Variants in ZNF783 observed in about 807,000 individuals in gnomAD.
The protein encoded by ZNF783 is zinc finger protein 783.
Under a neutral mutation model 31.3 loss-of-function variants are expected in ZNF783, and 25 were observed. The ratio of observed to expected loss-of-function variants is 0.80; its 90% CI spans 0.58 to 1.11. The LOEUF (loss-of-function observed/expected upper bound fraction) is 1.11, where lower values mean the gene tolerates loss of function less well. Among genes scored for constraint, ZNF783 ranks in the 50% most tolerant of loss-of-function variants. The pLI, the probability that ZNF783 is intolerant of heterozygous loss-of-function variation, is 0.00. For missense variants in ZNF783, 797 were observed against 760.0 expected, an observed-to-expected ratio of 1.05 and a Z score of -0.57; for synonymous variants, 369 against 319.1, an observed-to-expected ratio of 1.16 and a Z score of -1.66.
intron 1 of ZNF783, 132 bp from the exon 2 acceptor site, chr7:149,266,203 C>CT: frequency 1.9e-6 from 2 of 1,057,752 alleles, no homozygotes; most frequent in East Asian, 5.3e-5. Flanking sequence ...CTCTCCCCCC[C>CT]AGTCTGCTGC....
intron 4 of ZNF783, among the ~76,000 whole-genome samples, chr7:149,274,555 G>A (rs561368258): frequency 2.6e-5 from 4 of 152,208 alleles, no homozygotes; most frequent in African/African-American, 4.8e-5. Context: ...TAGTAGAGAC[G>A]GAGTTTCACC....
chr7:149,280,287 G>A (rs1306244320), intron 5 of ZNF783, among the ~76,000 whole-genome samples: 1 of 152,232 alleles, frequency 6.6e-6, no homozygotes, highest in African/African-American at 2.4e-5. Context: ...CAGAAGGAGA[G>A]TCTTTAGATG....
chr7:149,266,951 G>T lies in ZNF783; in HGVS notation c.547+6G>T. 2 of 1,614,066 alleles carry T rather than the reference G, an allele frequency of 1.2e-6. No individual in the cohort carries two copies. Among genetic ancestry groups the T allele is most frequent in the Non-Finnish European group, 1.7e-6 (2 of 1,180,008 alleles). ...CGAGACGCTGGTCTCCCTGGGTAAG[G>T]CCACGGAGGGAGGATCTGGGCCTCT... On this transcript the variant is annotated splice_donor_region_variant and intron_variant, in intron 3 of 5. Coordinates refer to ENST00000434415, the MANE Select transcript of ZNF783 (RefSeq NM_001195220.2).
chr7:149,279,380 AG>A (rs1324321950), intron 5 of ZNF783, among the ~76,000 whole-genome samples: 1 of 152,236 alleles, frequency 6.6e-6, no homozygotes, highest in Non-Finnish European at 1.5e-5. Context: ...ACAGATGCTG[AG>A]GGACAAGTCA....
At chr7:149,275,211 C>T (rs182792201) in intron 4 of ZNF783, among the ~76,000 whole-genome samples, 15 of 151,858 alleles carry the variant, frequency 9.9e-5, no homozygotes, top group African/African-American at 3.4e-4. Flanking sequence ...TCACTGTTGG[C>T]ATATAAAAAG....
chr7:149,263,295 T>C (rs1392821406), intron 1 of ZNF783, among the ~76,000 whole-genome samples: 2 of 74,000 alleles, frequency 2.7e-5, no homozygotes, highest in Non-Finnish European at 5.3e-5. Context: ...TGTGTGTGTG[T>C]GTGTGTGTGT....
At chr7:149,271,218 G>A (rs141644802) in intron 4 of ZNF783, among the ~76,000 whole-genome samples, 3,524 of 152,336 alleles carry the variant, frequency 0.023, 59 homozygotes, top group Non-Finnish European at 0.033. Flanking sequence ...GATTACAGGC[G>A]TGAGCCACGG....
intron 1 of ZNF783, 121 bp downstream of exon 1, chr7:149,262,478 C>T: frequency 1.2e-6 from 1 of 840,858 alleles, no homozygotes; most frequent in South Asian, 5.9e-5. Context: ...AGCCTCCGCG[C>T]TCGTTGCCCC....
In ZNF783 at chr7:149,266,555, A is replaced by G. The variant is rs757124959; in HGVS notation, c.245A>G (p.Glu82Gly). 1.2e-6 allele frequency: 2 copies of G among 1,614,064 alleles called. No homozygotes were observed. Among genetic ancestry groups the G allele is most frequent in the Non-Finnish European group, 1.7e-6 (2 of 1,180,046 alleles). Residue 82 changes from glutamate (E) to glycine (G), a missense_variant, in exon 2 of 6, where the codon GAG (glutamate) becomes GGG (glycine). Transcript: ENST00000434415. ...GCCGAGAAGAAGCTGGCCGACTGCG[A>G]GAAGACAGCTGTGGAGTTCGGGAAC... ...GTAEKKLADC[E>G]KTAVEFGNQL... is the part of the protein sequence containing the mutation.
chr7:149,274,001 AT>A (rs1384524105), intron 4 of ZNF783, among the ~76,000 whole-genome samples: 1 of 151,936 alleles, frequency 6.6e-6, no homozygotes, highest in African/African-American at 2.4e-5. Flanking sequence ...ATTTGCAAAT[AT>A]TTTTTCCCGT....
chr7:149,262,796 C>T (rs1585603962), intron 1 of ZNF783, among the ~76,000 whole-genome samples: 1 of 152,248 alleles, frequency 6.6e-6, no homozygotes, highest in African/African-American at 2.4e-5. Flanking sequence ...GGGAGCCTCA[C>T]GCCGGGGCAG....
At chr7:149,278,088 G>C (rs967015262) in intron 4 of ZNF783, 1 of 1,063,146 alleles carries the variant, frequency 9.4e-7, no homozygotes, top group Non-Finnish European at 1.2e-6. Context: ...CACCCCACTG[G>C]CTGGTGGGAC....
rs566384385 is a variant in ZNF783, at chr7:149,284,476, G to T, written c.*2133G>T. 6.6e-6 allele frequency: 1 copy of T among 152,474 alleles called. No homozygotes were observed. The highest frequency in any genetic ancestry group is 2.4e-5 in the African/African-American group (1 of 41,568). The allele number at this position is 152,474 out of a possible 1,614,324, so 9.4% of individuals were successfully genotyped here. ...TCTGGAGTCCCCCCACCCTTGCCAG[G>T]AGCTTCACAAACCAGAGACGGGCTG... On this transcript the variant is annotated 3_prime_UTR_variant, in exon 6 of 6. Coordinates refer to ENST00000434415, the MANE Select transcript of ZNF783 (RefSeq NM_001195220.2).
chr7:149,282,363 GGACCCCTGGCGGGGT>G lies in ZNF783; in HGVS notation c.*21_*35del. The G allele has an allele frequency of 6.8e-7, 1 of 1,468,136 alleles. No homozygotes were observed. The highest frequency in any genetic ancestry group is 1.4e-5 in the South Asian group (1 of 72,574). 90.9% of individuals were successfully genotyped at this position (1,468,136 alleles called of 1,614,324 possible). ...GGCTGACCTGGCAGGAGCCCACAGA[GGACCCCTGGCGGGGT>G]CTCTCCCCTGTGCCTGACGCAGGTT... On this transcript the variant is annotated 3_prime_UTR_variant, in exon 6 of 6. Transcript: ENST00000434415.
rs1487594181 is a variant in ZNF783, at chr7:149,282,990, G to A, written c.*647G>A. On this transcript the variant is annotated 3_prime_UTR_variant, in exon 6 of 6. Coordinates refer to ENST00000434415, the MANE Select transcript of ZNF783 (RefSeq NM_001195220.2). ...TTTGTTGTTGTTGTTGTTTTTTTAAGATGGAGTTTCACTCTTGTTGCCCAG... is the reference window on the plus strand; with the variant it reads ...TTTGTTGTTGTTGTTGTTTTTTTAAAATGGAGTTTCACTCTTGTTGCCCAG... 8.5e-6 allele frequency: 1 copy of A among 117,152 alleles called. No individual in the cohort carries two copies. Among genetic ancestry groups the A allele is most frequent in the African/African-American group, 3.4e-5 (1 of 29,394 alleles). 7.3% of individuals were successfully genotyped at this position (117,152 alleles called of 1,614,324 possible). A position where few individuals can be genotyped will look rare whatever the true frequency, so the allele number is the denominator to read the frequency against.
intron 1 of ZNF783, among the ~76,000 whole-genome samples, chr7:149,265,248 T>C (rs914495160): frequency 2.6e-5 from 4 of 152,190 alleles, no homozygotes; most frequent in Non-Finnish European, 4.4e-5. Flanking sequence ...CTGTGCCCAT[T>C]GCGCATGCAC....
chr7:149,265,912 G>A (rs1256665105), intron 1 of ZNF783, among the ~76,000 whole-genome samples: 2 of 152,350 alleles, frequency 1.3e-5, no homozygotes, highest in South Asian at 4.1e-4. Flanking sequence ...GCAGAGCTGA[G>A]TTGCACCTGG....
intron 5 of ZNF783, among the ~76,000 whole-genome samples, chr7:149,280,228 G>A (rs968579976): frequency 9.9e-5 from 15 of 152,168 alleles, no homozygotes; most frequent in African/African-American, 2.9e-4. Context: ...TGGCCGGGCA[G>A]AGGCGCCCCT....
rs745921411 is a variant in ZNF783, at chr7:149,282,029, C to G, written c.1327C>G (p.Arg443Gly). The G allele has an allele frequency of 1.3e-6, 2 of 1,588,298 alleles. No homozygotes were observed. Among genetic ancestry groups the G allele is most frequent in the Non-Finnish European group, 1.7e-6 (2 of 1,175,326 alleles). The change falls in exon 6 of 6, where the codon CGC becomes GGC. Residue 443 changes from arginine to glycine, a missense_variant. By Grantham distance (125) the Arg-to-Gly change is moderately radical. Transcript: ENST00000434415. ...SKMYHCSECL[R>G]FFQQRKSLLL... ...GATGTACCACTGCAGCGAGTGCCTGCGCTTCTTCCAGCAGCGCAAGAGCCT... is the reference window on the plus strand; with the variant it reads ...GATGTACCACTGCAGCGAGTGCCTGGGCTTCTTCCAGCAGCGCAAGAGCCT...
Sources: gnomAD v4.1 joint callset for allele counts (sites outside exome capture counted in the v4.1 genomes callset) on GRCh38, gnomAD v4.1.1 for gene constraint, MANE v1.5 for transcripts, NCBI Gene and HGNC (gene_info 2026-07-23, HGNC 2026-07-21) for gene names.